The following FAM53B variants were observed in gnomAD, a reference collection of about 807,000 sequenced individuals.
FAM53B encodes the protein family with sequence similarity 53 member B, also known as protein FAM53B.
Under a neutral mutation model 32.7 loss-of-function variants are expected in FAM53B, and 12 were observed. The ratio of observed to expected loss-of-function variants is 0.37; its 90% CI spans 0.24 to 0.59. The LOEUF (loss-of-function observed/expected upper bound fraction) is 0.59, where lower values mean the gene tolerates loss of function less well. Ranked by LOEUF, FAM53B falls within the 20% of genes least tolerant of loss-of-function variation. The pLI is 0.72. For missense variants in FAM53B, 477 were observed against 577.7 expected (o/e 0.83, Z 1.79); for synonymous variants, 234 against 228.7 (o/e 1.02, Z -0.21).
chr10:124,644,880 G>C (rs892542798), intron 4 of FAM53B, among the ~76,000 whole-genome samples: 2 of 152,212 alleles, frequency 1.3e-5, no homozygotes, highest in Non-Finnish European at 2.9e-5. Flanking sequence ...TGCAGGACTC[G>C]GTGCTGCAAG....
chr10:124,648,182 A>G (rs1021958241), intron 4 of FAM53B, among the ~76,000 whole-genome samples: 3 of 152,246 alleles, frequency 2.0e-5, no homozygotes, highest in African/African-American at 7.2e-5. Flanking sequence ...TCTGGGAGGA[A>G]ACCAAGACAC....
In FAM53B at chr10:124,681,619, G is replaced by T; in HGVS notation, c.894C>A (p.Ala298=). Residue 298 remains alanine (A), a synonymous_variant, in exon 4 of 5, where the codon GCC becomes GCA. Coordinates refer to ENST00000337318, the MANE Select transcript of FAM53B (RefSeq NM_014661.4). ...VQEQRPSLDL[A]KMAQNCQTFS... ...CTGGGGCTCTTACCTGTGCCATCTT[G>T]GCAAGGTCTAGAGAAGGCCTCTGCT... 6.3e-7 allele frequency: 1 copy of T among 1,596,940 alleles called. No individual in the cohort carries two copies.
intron 1 of FAM53B, among the ~76,000 whole-genome samples, chr10:124,712,936 CCCCAAGAGTGCATCTG>C (rs972735930): frequency 6.6e-6 from 1 of 152,264 alleles, no homozygotes; most frequent in Admixed American, 6.5e-5. Flanking sequence ...CAAGTCCTCA[CCCCAAGAGTGCATCTG>C]CCCAAGAACG....
At chr10:124,696,062 G>T in intron 3 of FAM53B, 96 bp downstream of exon 3, 2 of 995,166 alleles carry the variant, frequency 2.0e-6, no homozygotes, top group Non-Finnish European at 3.2e-6. Context: ...TTTTGAACTT[G>T]TGTCCAGAAA....
At chr10:124,634,863 G>C (rs1949417544) in intron 4 of FAM53B, among the ~76,000 whole-genome samples, 3 of 152,154 alleles carry the variant, frequency 2.0e-5, no homozygotes, top group Admixed American at 2.0e-4. Context: ...GGTGATGGCT[G>C]TAGAACTCTG....
chr10:124,684,734 G>T (rs1949792314), intron 3 of FAM53B, among the ~76,000 whole-genome samples: 1 of 152,030 alleles, frequency 6.6e-6, no homozygotes, highest in African/African-American at 2.4e-5. Flanking sequence ...GGCCAGGCTG[G>T]TCTCAAACTC....
chr10:124,671,176 C>T, intron 4 of FAM53B: 1 of 454,000 alleles, frequency 2.2e-6, no homozygotes, highest in Non-Finnish European at 4.5e-6. Flanking sequence ...CAATCTGCTC[C>T]ATTCACAGCA....
chr10:124,709,127 C>T (rs1257901086), intron 1 of FAM53B, among the ~76,000 whole-genome samples: 1 of 152,252 alleles, frequency 6.6e-6, no homozygotes, highest in African/African-American at 2.4e-5. Context: ...ATCCTCCTCT[C>T]GGCAATGGAC....
intron 4 of FAM53B, among the ~76,000 whole-genome samples, chr10:124,627,953 C>T (rs563404283): frequency 4.8e-4 from 73 of 152,296 alleles, no homozygotes; most frequent in Non-Finnish European, 9.3e-4. Flanking sequence ...TAGGTACAAG[C>T]TGAAATACAG....
At chr10:124,710,392 T>C (rs777398789) in intron 1 of FAM53B, among the ~76,000 whole-genome samples, 6 of 152,220 alleles carry the variant, frequency 3.9e-5, no homozygotes, top group Non-Finnish European at 8.8e-5. Flanking sequence ...TGAAATGATC[T>C]GGGCACGTTC....
intron 4 of FAM53B, among the ~76,000 whole-genome samples, chr10:124,640,729 T>C (rs1006418117): frequency 6.6e-6 from 1 of 152,126 alleles, no homozygotes; most frequent in South Asian, 2.1e-4. Flanking sequence ...ATCAGAGGTT[T>C]GGTGAGGCCA....
intron 4 of FAM53B, among the ~76,000 whole-genome samples, chr10:124,630,038 T>A (rs183197364): frequency 6.6e-6 from 1 of 152,166 alleles, no homozygotes; most frequent in Non-Finnish European, 1.5e-5. Context: ...GGGCATCTGG[T>A]CTTCTGCTGC....
At chr10:124,742,405 T>G (rs1950205148) in intron 1 of FAM53B, 1 of 152,182 alleles carries the variant, frequency 6.6e-6, no homozygotes, top group Admixed American at 6.5e-5. Context: ...AAACCTGGCC[T>G]AATAAGGAAC....
At chr10:124,630,495 A>T (rs1949383927) in intron 4 of FAM53B, among the ~76,000 whole-genome samples, 1 of 152,212 alleles carries the variant, frequency 6.6e-6, no homozygotes, top group Admixed American at 6.5e-5. Flanking sequence ...CCAAAGAGGC[A>T]GCCCTTCTGA....
intron 4 of FAM53B, among the ~76,000 whole-genome samples, chr10:124,662,898 G>A (rs1949643797): frequency 6.6e-6 from 1 of 152,148 alleles, no homozygotes; most frequent in African/African-American, 2.4e-5. Flanking sequence ...ACAGGTACAG[G>A]CCCTGGCCTC....
intron 4 of FAM53B, among the ~76,000 whole-genome samples, chr10:124,624,454 G>A (rs1045976335): frequency 1.3e-5 from 2 of 152,226 alleles, no homozygotes; most frequent in African/African-American, 4.8e-5. Flanking sequence ...TCTGGTGCTC[G>A]CCAGCTGGGG....
intron 1 of FAM53B, among the ~76,000 whole-genome samples, chr10:124,724,827 A>C (rs749279165): frequency 2.0e-5 from 3 of 152,190 alleles, no homozygotes; most frequent in Non-Finnish European, 2.9e-5. Context: ...TGTCACGATC[A>C]TCTCAGACTC....
At chr10:124,727,742 T>A (rs547114971) in intron 1 of FAM53B, among the ~76,000 whole-genome samples, 1 of 151,960 alleles carries the variant, frequency 6.6e-6, no homozygotes, top group Admixed American at 6.6e-5. Context: ...GCATGCTGCA[T>A]AGGAACCGAG....
Position 124,637,985 on chromosome 10 carries a change from G to T in FAM53B, c.907-14381C>A, listed in dbSNP as rs74452180. 4.0e-4 allele frequency among the ~76,000 whole-genome samples: 61 copies of T among 152,298 alleles called. No homozygotes were observed. The East Asian group carries it at 0.011, about 27-fold the overall frequency. Reference sequence around the variant, plus strand: ...CCCTCCCTGTCTGAGTGCCTCTGTGGGCTGCAACCCTGATGCCTGGAAAAA... The same window carrying T: ...CCCTCCCTGTCTGAGTGCCTCTGTGTGCTGCAACCCTGATGCCTGGAAAAA... On this transcript the variant is annotated intron_variant, in intron 4 of 4. Coordinates refer to ENST00000337318, the MANE Select transcript of FAM53B (RefSeq NM_014661.4).
Sources: gnomAD v4.1 joint callset for allele counts (sites outside exome capture counted in the v4.1 genomes callset) on GRCh38, gnomAD v4.1.1 for gene constraint, MANE v1.5 for transcripts, NCBI Gene and HGNC (gene_info 2026-07-23, HGNC 2026-07-21) for gene names.